The following PLLP variants were observed in gnomAD, a reference collection of about 807,000 sequenced individuals.
PLLP encodes plasma membrane proteolipid (plasmolipin).
PLLP carries 15 observed loss-of-function variants against 19.7 expected under a neutral mutation model. The ratio of observed to expected loss-of-function variants is 0.76; its 90% CI spans 0.51 to 1.17. PLLP has a LOEUF of 1.17. PLLP is among the 50% of genes most tolerant of loss of function. The pLI, the probability that PLLP is intolerant of heterozygous loss-of-function variation, is 0.00. For synonymous variants in PLLP, 111 were observed against 116.3 expected (o/e 0.95, Z 0.29); for missense variants, 255 against 258.3 (o/e 0.99, Z 0.09).
At chr16:57,274,772 A>G (rs1261499480) in intron 1 of PLLP, among the ~76,000 whole-genome samples, 1 of 116,154 alleles carries the variant, frequency 8.6e-6, no homozygotes, top group Non-Finnish European at 1.8e-5. Context: ...TTTATTGTTT[A>G]TTTTTTTGAG....
At chr16:57,263,997 G>A (rs2075449649) in intron 1 of PLLP, among the ~76,000 whole-genome samples, 2 of 152,184 alleles carry the variant, frequency 1.3e-5, no homozygotes, top group African/African-American at 4.8e-5. Context: ...CTGGCTGCTA[G>A]GGTTTGGAGA....
chr16:57,258,789 C>T (rs1379334254), intron 2 of PLLP, among the ~76,000 whole-genome samples: 2 of 151,644 alleles, frequency 1.3e-5, no homozygotes, highest in African/African-American at 2.4e-5. Flanking sequence ...GGCATGGTGG[C>T]GCATGCCTGT....
intron 2 of PLLP, among the ~76,000 whole-genome samples, chr16:57,260,703 C>A (rs889467033): frequency 2.0e-5 from 3 of 152,202 alleles, no homozygotes; most frequent in Admixed American, 6.5e-5. Flanking sequence ...AAAAAAAAAA[C>A]CAGCAGCTTT....
chr16:57,276,449 G>A (rs1208377571), intron 1 of PLLP, among the ~76,000 whole-genome samples: 4 of 151,922 alleles, frequency 2.6e-5, no homozygotes, highest in Admixed American at 6.6e-5. Flanking sequence ...AAAATTAGCC[G>A]GGCTTGGTGG....
chr16:57,266,863 C>CTTTTTTTTTTT (rs34562097), intron 1 of PLLP, among the ~76,000 whole-genome samples: 1 of 97,338 alleles, frequency 1.0e-5, no homozygotes, highest in African/African-American at 3.9e-5. Flanking sequence ...GGCACAGGGC[C>CTTTTTTTTTTT]TTTTTTTTTT....
At chr16:57,282,364 TC>T (rs1269967051) in intron 1 of PLLP, among the ~76,000 whole-genome samples, 4 of 151,634 alleles carry the variant, frequency 2.6e-5, no homozygotes, top group Admixed American at 2.6e-4. Flanking sequence ...TACCTCAGCC[TC>T]CCAAGTAGCT....
chr16:57,269,365 A>G (rs2075467280), intron 1 of PLLP, among the ~76,000 whole-genome samples: 1 of 152,124 alleles, frequency 6.6e-6, no homozygotes, highest in African/African-American at 2.4e-5. Context: ...TGGGGGAGTC[A>G]CCCAACCTTT....
chr16:57,281,044 A>G (rs772670391), intron 1 of PLLP, among the ~76,000 whole-genome samples: 21 of 152,158 alleles, frequency 1.4e-4, no homozygotes, highest in Non-Finnish European at 2.6e-4. Flanking sequence ...TTCCTGCTCC[A>G]TGCAGCCTTC....
chr16:57,284,469 C>A lies in PLLP; in HGVS notation c.72G>T (p.Ser24=), dbSNP rs1416661770. The A allele has an allele frequency of 7.0e-7, 1 of 1,429,418 alleles. No homozygotes were observed. The allele number at this position is 1,429,418 out of a possible 1,614,324, so 88.5% of individuals were successfully genotyped here. A position where few individuals can be genotyped will look rare whatever the true frequency, so the allele number is the denominator to read the frequency against. Residue 24 remains serine (S), a synonymous_variant, in exon 1 of 4, where the codon TCG becomes TCT. Transcript: ENST00000219207. ...SPAQGAEASV[S]ALRPDLGFVR... The stretch of plus-strand genomic sequence containing the variant: ...CGAAGCCCAGGTCCGGGCGCAGCGC[C>A]GACACCGAGGCTTCGGCGCCCTGCG...
intron 2 of PLLP, among the ~76,000 whole-genome samples, chr16:57,259,081 C>T (rs138172969): frequency 6.0e-4 from 92 of 152,302 alleles, no homozygotes; most frequent in Non-Finnish European, 1.1e-3. Context: ...GGAGTCAGCC[C>T]ATGAGGCCCT....
At chr16:57,271,142 C>T (rs1486795441) in intron 1 of PLLP, among the ~76,000 whole-genome samples, 2 of 152,138 alleles carry the variant, frequency 1.3e-5, no homozygotes, top group Non-Finnish European at 2.9e-5. Context: ...AGTCCTGGGT[C>T]TCAGAGCAGA....
At chr16:57,266,767 C>A (rs1189291879) in intron 1 of PLLP, among the ~76,000 whole-genome samples, 2 of 152,026 alleles carry the variant, frequency 1.3e-5, no homozygotes, top group African/African-American at 2.4e-5. Flanking sequence ...ACATCCTCCC[C>A]TCCTTCCCAG....
rs2075425700 is a variant in PLLP, at chr16:57,256,493, A to G, written c.*420T>C. 5.1e-6 allele frequency: 1 copy of G among 195,804 alleles called. No homozygotes were observed. The highest frequency in any genetic ancestry group is 2.3e-5 in the African/African-American group (1 of 43,344). 12.1% of individuals were successfully genotyped at this position (195,804 alleles called of 1,614,324 possible). ...CCAGCTTGCTCAGCTCTCCTGGAAC[A>G]AAGACTAAGGTGCTACGTGTTGCTT... On this transcript the variant is annotated 3_prime_UTR_variant, in exon 4 of 4. Coordinates refer to ENST00000219207, the MANE Select transcript of PLLP (RefSeq NM_015993.3).
In PLLP at chr16:57,272,555, T is replaced by C. The variant is rs2075479230; in HGVS notation, c.136-10485A>G. 2.0e-5 allele frequency among the ~76,000 whole-genome samples: 3 copies of C among 152,188 alleles called. No individual in the cohort carries two copies. In the South Asian group the frequency reaches 6.2e-4, roughly 32 times the overall value. Reference sequence around the variant, plus strand: ...AGGAATTGGGGTGCTAAAGTGAGTGTCTTCCTCTCTCCCTGGACTTCCGGC... The same window carrying C: ...AGGAATTGGGGTGCTAAAGTGAGTGCCTTCCTCTCTCCCTGGACTTCCGGC... On this transcript the variant is annotated intron_variant, in intron 1 of 3. Transcript: ENST00000219207.
At chr16:57,257,418 C>T (rs2075429243) in intron 3 of PLLP, among the ~76,000 whole-genome samples, 2 of 152,226 alleles carry the variant, frequency 1.3e-5, no homozygotes, top group Admixed American at 6.5e-5. Flanking sequence ...AGAAGCTCCC[C>T]GTCTCTGTCC....
chr16:57,284,306 G>T (rs1597967885), intron 1 of PLLP, 100 bp downstream of exon 1: 2 of 1,078,670 alleles, frequency 1.9e-6, no homozygotes, highest in East Asian at 3.3e-5. Flanking sequence ...GGTGGGGAGC[G>T]CAAGGTTCGC....
At chr16:57,271,273 C>T (rs2075474408) in intron 1 of PLLP, among the ~76,000 whole-genome samples, 1 of 152,130 alleles carries the variant, frequency 6.6e-6, no homozygotes, top group African/African-American at 2.4e-5. Flanking sequence ...AGCCAAGGAG[C>T]CACTACCACC....
At chr16:57,262,610 C>T (rs1597959771) in intron 1 of PLLP, among the ~76,000 whole-genome samples, 1 of 152,098 alleles carries the variant, frequency 6.6e-6, no homozygotes, top group African/African-American at 2.4e-5. Context: ...TGGTGCGCAC[C>T]TGTGGTCCCA....
intron 1 of PLLP, among the ~76,000 whole-genome samples, chr16:57,270,436 T>C (rs1037402644): frequency 6.6e-6 from 1 of 150,874 alleles, no homozygotes; most frequent in Non-Finnish European, 1.5e-5. Flanking sequence ...GCCTCTCTAT[T>C]CCCACTGCTC....
Sources: gnomAD v4.1 joint callset for allele counts (sites outside exome capture counted in the v4.1 genomes callset) on GRCh38, gnomAD v4.1.1 for gene constraint, MANE v1.5 for transcripts, NCBI Gene and HGNC (gene_info 2026-07-23, HGNC 2026-07-21) for gene names.